TBC1D22A: variants seen among roughly 807,000 people sequenced by gnomAD.
The protein encoded by TBC1D22A is TBC1 domain family member 22A.
A neutral mutation model predicts 60.2 loss-of-function variants in TBC1D22A; 38 were observed. That is an observed-to-expected ratio of 0.63 (90% CI 0.49 to 0.83). TBC1D22A has a LOEUF of 0.83. TBC1D22A is among the 40% of genes least tolerant of loss of function. The pLI, the probability that TBC1D22A is intolerant of heterozygous loss-of-function variation, is 0.00. For synonymous variants in TBC1D22A, 302 were observed against 281.7 expected (o/e 1.07, Z -0.72); for missense variants, 628 against 701.0 (o/e 0.90, Z 1.18).
chr22:47,149,083 G>C (rs950359526), intron 12 of TBC1D22A, among the ~76,000 whole-genome samples: 4 of 152,186 alleles, frequency 2.6e-5, no homozygotes, highest in African/African-American at 7.2e-5. Flanking sequence ...AAGGAAGCTG[G>C]CATTTGTCAC....
At chr22:47,011,380 G>A (rs941683697) in intron 10 of TBC1D22A, among the ~76,000 whole-genome samples, 4 of 152,132 alleles carry the variant, frequency 2.6e-5, no homozygotes, top group Non-Finnish European at 5.9e-5. Context: ...ATGGTGCCCC[G>A]CCCACCTCAT....
intron 8 of TBC1D22A, among the ~76,000 whole-genome samples, chr22:46,961,083 A>C (rs1312162009): frequency 6.6e-6 from 1 of 151,302 alleles, no homozygotes; most frequent in Non-Finnish European, 1.5e-5. Context: ...CAGATCTTTG[A>C]AGCCTCATTT....
intron 12 of TBC1D22A, among the ~76,000 whole-genome samples, chr22:47,156,755 A>T (rs879377565): frequency 3.3e-5 from 5 of 152,002 alleles, no homozygotes; most frequent in Admixed American, 6.5e-5. Flanking sequence ...GTGTAAGTGC[A>T]CTTGCCTGCG....
At chr22:46,983,933 G>A (rs1164008301) in intron 9 of TBC1D22A, among the ~76,000 whole-genome samples, 1 of 152,072 alleles carries the variant, frequency 6.6e-6, no homozygotes, top group African/African-American at 2.4e-5. Context: ...AAGAAGGATT[G>A]CTTTAACACA....
intron 10 of TBC1D22A, among the ~76,000 whole-genome samples, chr22:47,027,642 A>G (rs73486755): frequency 0.026 from 3,907 of 152,314 alleles, 142 homozygotes; most frequent in African/African-American, 0.08. Context: ...TTCTGCAAGG[A>G]AACACAGAGC....
In TBC1D22A at chr22:46,793,684, G is replaced by A; in HGVS notation, c.303G>A (p.Val101=). Residue 101 remains valine, a synonymous_variant, in exon 3 of 13, where the codon GTG becomes GTA. Coordinates refer to ENST00000337137, the MANE Select transcript of TBC1D22A (RefSeq NM_014346.5). The stretch of plus-strand genomic sequence containing the variant: ...TGGTCATGGAGACGGCCAACCGTGT[G>A]CTGCGTAACCACAGCCAGCGGCAGG... ...SEVVMETANR[V]LRNHSQRQGR... 2.5e-6 allele frequency: 4 copies of A among 1,613,056 alleles called. No homozygotes were observed. Among genetic ancestry groups the A allele is most frequent in the Non-Finnish European group, 3.4e-6 (4 of 1,179,988 alleles).
At chr22:46,940,424 C>A (rs1458214492) in intron 8 of TBC1D22A, among the ~76,000 whole-genome samples, 2 of 150,544 alleles carry the variant, frequency 1.3e-5, no homozygotes, top group Non-Finnish European at 3.0e-5. Context: ...ACAGTCCACC[C>A]TTGAACAGCA....
At chr22:47,003,558 A>T (rs1024223198) in intron 10 of TBC1D22A, among the ~76,000 whole-genome samples, 3 of 145,318 alleles carry the variant, frequency 2.1e-5, no homozygotes, top group African/African-American at 8.1e-5. Context: ...GTATACACAC[A>T]CCCTACGCAC....
At chr22:46,959,661 C>T (rs1055661525) in intron 8 of TBC1D22A, among the ~76,000 whole-genome samples, 1 of 152,110 alleles carries the variant, frequency 6.6e-6, no homozygotes, top group African/African-American at 2.4e-5. Flanking sequence ...CCAGGATTGC[C>T]ATGGACCTCT....
At chr22:47,103,424 G>C (rs568837402) in intron 11 of TBC1D22A, among the ~76,000 whole-genome samples, 1 of 152,160 alleles carries the variant, frequency 6.6e-6, no homozygotes, top group African/African-American at 2.4e-5. Context: ...GCATTCCCTC[G>C]TGGGGCAGCA....
intron 8 of TBC1D22A, among the ~76,000 whole-genome samples, chr22:46,930,878 A>G (rs1218888312): frequency 6.6e-6 from 1 of 152,082 alleles, no homozygotes; most frequent in East Asian, 1.9e-4. Context: ...CTGCCTTTCT[A>G]CCTTACACAA....
chr22:47,061,460 C>T (rs922788423), intron 11 of TBC1D22A, among the ~76,000 whole-genome samples: 1 of 152,102 alleles, frequency 6.6e-6, no homozygotes, highest in African/African-American at 2.4e-5. Flanking sequence ...CGTCCTCAGC[C>T]ACCAGCACTT....
chr22:46,785,642 A>G (rs2084128233), intron 1 of TBC1D22A, among the ~76,000 whole-genome samples: 1 of 152,214 alleles, frequency 6.6e-6, no homozygotes, highest in South Asian at 2.1e-4. Flanking sequence ...CCACTAATCT[A>G]CGTTCTCTGT....
At chr22:47,006,595 C>T (rs916334783) in intron 10 of TBC1D22A, among the ~76,000 whole-genome samples, 5 of 152,168 alleles carry the variant, frequency 3.3e-5, no homozygotes, top group Non-Finnish European at 5.9e-5. Flanking sequence ...ATGGTGGCCC[C>T]GTTGATCTGA....
intron 8 of TBC1D22A, among the ~76,000 whole-genome samples, chr22:46,941,690 ACG>A (rs1303936773): frequency 2.0e-4 from 14 of 68,516 alleles, no homozygotes; most frequent in African/African-American, 7.1e-4. Flanking sequence ...GAATATATAT[ACG>A]CGGATTATAT....
chr22:46,919,429 C>T (rs1195736776), intron 8 of TBC1D22A, among the ~76,000 whole-genome samples: 1 of 152,152 alleles, frequency 6.6e-6, no homozygotes. Context: ...GGATTGTTTT[C>T]ATTTTTCGAC....
intron 4 of TBC1D22A, among the ~76,000 whole-genome samples, chr22:46,867,904 G>A (rs138378874): frequency 5.1e-4 from 77 of 152,306 alleles, no homozygotes; most frequent in Non-Finnish European, 9.8e-4. Flanking sequence ...TAGAGCACCC[G>A]CTTCCTGGTC....
At chr22:46,890,196 G>T (rs1250306529) in intron 5 of TBC1D22A, among the ~76,000 whole-genome samples, 1 of 151,906 alleles carries the variant, frequency 6.6e-6, no homozygotes, top group Admixed American at 6.6e-5. Context: ...AAATTTAGCT[G>T]GGCGTGGTGG....
intron 8 of TBC1D22A, among the ~76,000 whole-genome samples, chr22:46,931,776 G>A (rs969288676): frequency 3.3e-5 from 5 of 152,224 alleles, no homozygotes; most frequent in African/African-American, 1.2e-4. Flanking sequence ...ATACTGAGGA[G>A]CATGGTCAAG....
Sources: allele counts gnomAD v4.1 joint callset (sites outside exome capture counted in the v4.1 genomes callset), GRCh38; gene constraint gnomAD v4.1.1; transcripts MANE v1.5; gene names NCBI Gene and HGNC (gene_info 2026-07-23, HGNC 2026-07-21).